Variants in ADGRV1 observed in about 807,000 individuals in gnomAD.
ADGRV1 encodes adhesion G protein-coupled receptor V1.
ADGRV1 carries 359 observed loss-of-function variants against 596.2 expected under a neutral mutation model. The ratio of observed to expected loss-of-function variants is 0.60; its 90% CI spans 0.55 to 0.66. ADGRV1 has a LOEUF of 0.66. Among genes scored for constraint, ADGRV1 ranks in the 30% least tolerant of loss-of-function variants. The pLI is 0.00. For synonymous variants in ADGRV1, 2,681 were observed against 2,679.2 expected, an observed-to-expected ratio of 1.00 and a Z score of -0.02; for missense variants, 7,274 against 7,575.6, an observed-to-expected ratio of 0.96 and a Z score of 1.48.
chr5:90,572,755 G>A (rs892779141), intron 1 of ADGRV1, among the ~76,000 whole-genome samples: 5 of 152,134 alleles, frequency 3.3e-5, no homozygotes, highest in Non-Finnish European at 5.9e-5. Flanking sequence ...CGTAGGATAC[G>A]TGTTTTGGGA....
intron 1 of ADGRV1, among the ~76,000 whole-genome samples, chr5:90,578,812 A>G (rs1757574995): frequency 6.6e-6 from 1 of 152,158 alleles, no homozygotes; most frequent in Non-Finnish European, 1.5e-5. Flanking sequence ...CTATTCAGAG[A>G]TTCAACTTCT....
At chr5:91,044,056 AGAAT>A (rs1408745485) in intron 85 of ADGRV1, among the ~76,000 whole-genome samples, 1 of 152,104 alleles carries the variant, frequency 6.6e-6, no homozygotes, top group East Asian at 1.9e-4. Flanking sequence ...AAATATTTGG[AGAAT>A]GAATGAAGAA....
At chr5:91,002,472 TC>T (rs1242820006) in intron 85 of ADGRV1, among the ~76,000 whole-genome samples, 3 of 152,122 alleles carry the variant, frequency 2.0e-5, no homozygotes, top group Non-Finnish European at 4.4e-5. Flanking sequence ...TATTTCATTT[TC>T]CCCCATTTCT....
At chr5:90,708,931 T>A in intron 39 of ADGRV1, 22 bp downstream of exon 39, 2 of 1,505,972 alleles carry the variant, frequency 1.3e-6, no homozygotes, top group Non-Finnish European at 1.8e-6. Flanking sequence ...TTCTTGTTTG[T>A]TTCTTTTTGC....
chr5:90,686,169 G>A (rs1020579496), intron 29 of ADGRV1, among the ~76,000 whole-genome samples, 174 bp downstream of exon 29: 1 of 149,810 alleles, frequency 6.7e-6, no homozygotes, highest in Non-Finnish European at 1.5e-5. Flanking sequence ...TTTTGGGGGG[G>A]GGGATGGAGT....
intron 68 of ADGRV1, 59 bp from the exon 69 acceptor site, chr5:90,789,643 A>G: frequency 2.0e-6 from 2 of 997,660 alleles, no homozygotes; most frequent in Non-Finnish European, 3.0e-6. Flanking sequence ...TATGTTGGAT[A>G]CTATAATTTC....
In ADGRV1 at chr5:90,595,328, C is replaced by T. The variant is rs1296164575; in HGVS notation, c.23-19507C>T. 1.3e-4 allele frequency among the ~76,000 whole-genome samples: 8 copies of T among 63,402 alleles called. No individual in the cohort carries two copies. The South Asian group carries it at 1.6e-3, about 13-fold the overall frequency. The allele number at this position is 63,402 out of a possible 152,430, so 41.6% of individuals were successfully genotyped here. ...TCACCTCCCAGACGGGGCGGCTGGC[C>T]GGGCGGGGGGCTGACCCCCCCACCT... On this transcript the variant is annotated intron_variant, in intron 1 of 89. Transcript: ENST00000405460.
chr5:91,002,263 G>A (rs1477140394), intron 85 of ADGRV1, among the ~76,000 whole-genome samples: 2 of 151,912 alleles, frequency 1.3e-5, no homozygotes, highest in East Asian at 3.9e-4. Context: ...TCATTGTTCT[G>A]GAATCAGAGA....
At chr5:90,951,444 C>T (rs771307331) in intron 83 of ADGRV1, among the ~76,000 whole-genome samples, 6 of 151,976 alleles carry the variant, frequency 3.9e-5, no homozygotes, top group South Asian at 2.1e-4. Context: ...AACCTAATAC[C>T]GTATGACCAT....
intron 50 of ADGRV1, among the ~76,000 whole-genome samples, chr5:90,743,476 T>C (rs1754224333): frequency 6.7e-6 from 1 of 149,290 alleles, no homozygotes; most frequent in South Asian, 2.1e-4. Flanking sequence ...GATATCTTTT[T>C]TTTTTTTTTT....
At chr5:90,861,278 T>C (rs945269658) in intron 82 of ADGRV1, among the ~76,000 whole-genome samples, 9 of 151,968 alleles carry the variant, frequency 5.9e-5, no homozygotes, top group African/African-American at 2.2e-4. Flanking sequence ...GATACTTTAT[T>C]TTTTAAAATT....
chr5:90,586,315 A>G (rs1026404519), intron 1 of ADGRV1, among the ~76,000 whole-genome samples: 4 of 152,222 alleles, frequency 2.6e-5, no homozygotes, highest in African/African-American at 4.8e-5. Context: ...AAAACTAACA[A>G]TAATTCCATA....
intron 57 of ADGRV1, 47 bp downstream of exon 57, chr5:90,757,208 C>T (rs769329558): frequency 6.7e-7 from 1 of 1,495,714 alleles, no homozygotes; most frequent in African/African-American, 1.4e-5. Flanking sequence ...GTGCTTCAGA[C>T]ATTTTGTAGG....
At chr5:90,958,786 A>C (rs1581631433) in intron 83 of ADGRV1, among the ~76,000 whole-genome samples, 1 of 152,302 alleles carries the variant, frequency 6.6e-6, no homozygotes, top group East Asian at 1.9e-4. Context: ...CCTCTTTAAA[A>C]ACCTTATCTT....
At chr5:91,097,681 A>G (rs573933137) in intron 86 of ADGRV1, among the ~76,000 whole-genome samples, 12 of 152,254 alleles carry the variant, frequency 7.9e-5, no homozygotes, top group Non-Finnish European at 1.5e-4. Context: ...GCCATTTTAC[A>G]TCTCTATCAG....
In ADGRV1 at chr5:90,755,079, A is replaced by G; in HGVS notation, c.11474A>G (p.His3825Arg). ...HLRAQPNFLL[H>R]VDNQATENED... ...AGAGCTCAACCCAATTTCTTACTGC[A>G]TGTCGATAATCAAGCTACTGAGAAT... Residue 3825 changes from histidine (H) to arginine (R), a missense_variant, in exon 55 of 90, where the codon CAT becomes CGT. His to Arg is a conservative substitution (Grantham distance 29). This residue lies in a region of ADGRV1 where 3,643 missense variants were observed against 3,809.2 expected (regional missense o/e 0.96). Coordinates refer to ENST00000405460, the MANE Select transcript of ADGRV1 (RefSeq NM_032119.4). 6.2e-7 allele frequency: 1 copy of G among 1,610,370 alleles called. No homozygotes were observed. The highest frequency in any genetic ancestry group is 8.5e-7 in the Non-Finnish European group (1 of 1,176,662).
intron 87 of ADGRV1, among the ~76,000 whole-genome samples, chr5:91,104,365 A>G (rs1035319948): frequency 2.6e-5 from 4 of 152,242 alleles, no homozygotes; most frequent in African/African-American, 9.6e-5. Context: ...ATTGATACAT[A>G]TAACATGTAG....
Position 90,796,341 on chromosome 5 carries a change from CA to C in ADGRV1, c.14517+4997del, listed in dbSNP as rs551188297. ...AACTTCGTGAAGCATACACAAATAT[CA>C]ATAGCTGAATCAGTCAAGCAGAAGA... On this transcript the variant is annotated intron_variant, in intron 70 of 89. Coordinates refer to ENST00000405460, the MANE Select transcript of ADGRV1 (RefSeq NM_032119.4). 4.4e-3 allele frequency among the ~76,000 whole-genome samples: 670 copies of C among 151,736 alleles called. 8 individuals carry two copies. Among genetic ancestry groups the C allele is most frequent in the Non-Finnish European group, 6.1e-3 (412 of 67,948 alleles).
intron 45 of ADGRV1, 36 bp from the exon 46 acceptor site, chr5:90,724,796 G>A (rs1241345283): frequency 1.9e-6 from 3 of 1,590,596 alleles, no homozygotes; most frequent in Non-Finnish European, 2.6e-6. Context: ...TTTTGAAGGA[G>A]TAATAAACTA....
Sources: gnomAD v4.1 joint callset for allele counts (sites outside exome capture counted in the v4.1 genomes callset) on GRCh38, gnomAD v4.1.1 for gene constraint, gnomAD v4.1.1 regional missense constraint, MANE v1.5 for transcripts, NCBI Gene and HGNC (gene_info 2026-07-23, HGNC 2026-07-21) for gene names.